KCNK13: variants seen among roughly 807,000 people sequenced by gnomAD.
The protein encoded by KCNK13 is potassium channel subfamily K member 13.
In KCNK13, 12 loss-of-function variants were observed where a neutral mutation model predicts 23.4. The ratio of observed to expected loss-of-function variants is 0.51; its 90% confidence interval spans 0.33 to 0.83. The LOEUF is 0.83. KCNK13 is among the 40% of genes least tolerant of loss of function. The pLI is 0.02. For synonymous variants in KCNK13, 231 were observed against 229.5 expected (o/e 1.01, Z -0.06); for missense variants, 463 against 556.3 (o/e 0.83, Z 1.69).
intron 1 of KCNK13, among the ~76,000 whole-genome samples, chr14:90,171,265 A>C (rs1351651532): frequency 6.6e-6 from 1 of 152,212 alleles, no homozygotes; most frequent in Non-Finnish European, 1.5e-5. Flanking sequence ...ACATGGGTAG[A>C]CTATGAAGGA....
intron 1 of KCNK13, among the ~76,000 whole-genome samples, chr14:90,074,758 A>G (rs141460109): frequency 7.9e-5 from 12 of 152,318 alleles, no homozygotes; most frequent in African/African-American, 2.9e-4. Flanking sequence ...TCCAAACAGA[A>G]GACACACCCA....
chr14:90,089,061 T>G (rs1419311369), intron 1 of KCNK13, among the ~76,000 whole-genome samples: 4 of 152,288 alleles, frequency 2.6e-5, no homozygotes, highest in Non-Finnish European at 5.9e-5. Flanking sequence ...TAGAGTAAAT[T>G]GATACCAGTA....
chr14:90,127,342 G>T (rs1295032080), intron 1 of KCNK13, among the ~76,000 whole-genome samples: 1 of 152,020 alleles, frequency 6.6e-6, no homozygotes, highest in East Asian at 1.9e-4. Context: ...TGTATTTTCT[G>T]CAGGGAATGA....
At chr14:90,100,749 C>T (rs551638149) in intron 1 of KCNK13, among the ~76,000 whole-genome samples, 8 of 152,238 alleles carry the variant, frequency 5.3e-5, no homozygotes, top group African/African-American at 1.7e-4. Context: ...TGGAGTGCAG[C>T]GGTATGATCA....
intron 1 of KCNK13, among the ~76,000 whole-genome samples, chr14:90,131,535 A>G (rs1026596063): frequency 6.6e-6 from 1 of 151,650 alleles, no homozygotes; most frequent in African/African-American, 2.4e-5. Flanking sequence ...CGGCCATATT[A>G]TTTATTTTTT....
chr14:90,165,921 C>A (rs181057397), intron 1 of KCNK13, among the ~76,000 whole-genome samples: 2 of 152,194 alleles, frequency 1.3e-5, no homozygotes, highest in East Asian at 1.9e-4. Context: ...AATTCCTCTT[C>A]GCAAGCTGAT....
At chr14:90,129,292 A>G (rs1251030090) in intron 1 of KCNK13, among the ~76,000 whole-genome samples, 1 of 151,928 alleles carries the variant, frequency 6.6e-6, no homozygotes, top group Non-Finnish European at 1.5e-5. Context: ...GGTTTTTGCC[A>G]TTGTGATCAA....
chr14:90,144,912 T>C (rs898520915), intron 1 of KCNK13, among the ~76,000 whole-genome samples: 2 of 152,190 alleles, frequency 1.3e-5, no homozygotes, highest in African/African-American at 4.8e-5. Context: ...TCATTAAATA[T>C]AATGTTAATA....
At chr14:90,083,199 C>G (rs1344007154) in intron 1 of KCNK13, among the ~76,000 whole-genome samples, 1 of 152,174 alleles carries the variant, frequency 6.6e-6, no homozygotes, top group Non-Finnish European at 1.5e-5. Flanking sequence ...ATATTTCCCC[C>G]TTCTGTGGGT....
chr14:90,080,027 G>A (rs1889188585), intron 1 of KCNK13, among the ~76,000 whole-genome samples: 2 of 152,214 alleles, frequency 1.3e-5, no homozygotes, highest in South Asian at 2.1e-4. Flanking sequence ...ACTAGTGAGA[G>A]TCACTTGGTG....
At chr14:90,174,327 A>G (rs1566652252) in intron 1 of KCNK13, among the ~76,000 whole-genome samples, 1 of 152,096 alleles carries the variant, frequency 6.6e-6, no homozygotes, top group Non-Finnish European at 1.5e-5. Flanking sequence ...AATAAAAAAT[A>G]AATAAATAAA....
At chr14:90,089,710 A>G (rs1353063413) in intron 1 of KCNK13, among the ~76,000 whole-genome samples, 2 of 152,184 alleles carry the variant, frequency 1.3e-5, no homozygotes, top group Non-Finnish European at 2.9e-5. Context: ...TAGGAAAATA[A>G]TGGCTTTGTG....
At chr14:90,105,844 G>A (rs557060295) in intron 1 of KCNK13, among the ~76,000 whole-genome samples, 1 of 152,336 alleles carries the variant, frequency 6.6e-6, no homozygotes, top group Admixed American at 6.5e-5. Flanking sequence ...CAAAGGTTTT[G>A]TGCTTCCTAG....
intron 1 of KCNK13, among the ~76,000 whole-genome samples, chr14:90,132,732 A>G (rs1256329688): frequency 6.6e-6 from 1 of 152,172 alleles, no homozygotes; most frequent in Non-Finnish European, 1.5e-5. Context: ...TGCACCTAAA[A>G]GTAGATAAGA....
intron 1 of KCNK13, among the ~76,000 whole-genome samples, chr14:90,104,703 G>A (rs1405517418): frequency 6.0e-5 from 9 of 150,884 alleles, no homozygotes; most frequent in African/African-American, 2.2e-4. Context: ...CCCAGGTTGG[G>A]CAAGGAAGGT....
intron 1 of KCNK13, among the ~76,000 whole-genome samples, chr14:90,086,035 A>G (rs1889272301): frequency 6.6e-6 from 1 of 151,226 alleles, no homozygotes; most frequent in Non-Finnish European, 1.5e-5. Flanking sequence ...ATACTTAACT[A>G]TGATATGGAT....
chr14:90,145,379 C>A (rs1890061347), intron 1 of KCNK13, among the ~76,000 whole-genome samples: 1 of 152,110 alleles, frequency 6.6e-6, no homozygotes, highest in Admixed American at 6.5e-5. Flanking sequence ...GGCGACAGAG[C>A]AAGACCCTGT....
intron 1 of KCNK13, among the ~76,000 whole-genome samples, chr14:90,117,085 A>G (rs909438653): frequency 2.6e-5 from 4 of 152,196 alleles, no homozygotes; most frequent in African/African-American, 9.7e-5. Flanking sequence ...AGCCAGCATC[A>G]CTACTGTCAT....
intron 1 of KCNK13, among the ~76,000 whole-genome samples, chr14:90,098,335 GAAGTT>G (rs1277895875): frequency 1.3e-5 from 2 of 152,202 alleles, no homozygotes; most frequent in African/African-American, 2.4e-5. Flanking sequence ...TGCTTAGGGT[GAAGTT>G]AAGTTAAAGT....
Sources: gnomAD v4.1 joint callset for allele counts (sites outside exome capture counted in the v4.1 genomes callset) on GRCh38, gnomAD v4.1.1 for gene constraint, MANE v1.5 for transcripts, NCBI Gene and HGNC (gene_info 2026-07-23, HGNC 2026-07-21) for gene names.